AFG1L: variants seen among roughly 807,000 people sequenced by gnomAD.
The protein encoded by AFG1L is AFG1 like ATPase, also known as AFG1-like ATPase.
A neutral mutation model predicts 62.2 loss-of-function variants in AFG1L; 53 were observed. The observed-to-expected ratio is 0.85, with a 90% CI of 0.68 to 1.07. The LOEUF is 1.07. AFG1L is among the 50% of genes least tolerant of loss of function. The pLI is 0.00. For missense variants in AFG1L, 555 were observed against 590.5 expected (o/e 0.94, Z 0.62); for synonymous variants, 228 against 210.3 (o/e 1.08, Z -0.73).
At chr6:108,423,808 T>C (rs1770701386) in intron 7 of AFG1L, among the ~76,000 whole-genome samples, 1 of 152,004 alleles carries the variant, frequency 6.6e-6, no homozygotes, top group Non-Finnish European at 1.5e-5. Context: ...CTACTGATAG[T>C]TTGGTTTTTA....
At chr6:108,428,277 A>C (rs1173880099) in intron 7 of AFG1L, among the ~76,000 whole-genome samples, 1 of 152,166 alleles carries the variant, frequency 6.6e-6, no homozygotes, top group African/African-American at 2.4e-5. Flanking sequence ...AAAAGACATT[A>C]TTTAATTCTT....
At chr6:108,454,135 C>T (rs191923025) in intron 8 of AFG1L, among the ~76,000 whole-genome samples, 1 of 152,298 alleles carries the variant, frequency 6.6e-6, no homozygotes, top group Admixed American at 6.5e-5. Flanking sequence ...TACTCCTCCT[C>T]CAGTTCCTTA....
intron 10 of AFG1L, among the ~76,000 whole-genome samples, chr6:108,491,316 C>T (rs1773772331): frequency 2.6e-5 from 4 of 152,186 alleles, no homozygotes. Context: ...AAAAACAAAC[C>T]AGTTACTCAG....
intron 6 of AFG1L, among the ~76,000 whole-genome samples, chr6:108,384,287 A>T (rs762739247): frequency 2.6e-5 from 4 of 152,134 alleles, no homozygotes; most frequent in Non-Finnish European, 4.4e-5. Context: ...TGAGAAATGG[A>T]TCCCAGAGAG....
chr6:108,426,388 G>T (rs1770817281), intron 7 of AFG1L, among the ~76,000 whole-genome samples: 1 of 152,096 alleles, frequency 6.6e-6, no homozygotes, highest in Admixed American at 6.6e-5. Context: ...TCCTTTCTGT[G>T]GGAGAAAATT....
At chr6:108,396,160 T>G (rs1273385971) in intron 6 of AFG1L, among the ~76,000 whole-genome samples, 1 of 152,056 alleles carries the variant, frequency 6.6e-6, no homozygotes, top group African/African-American at 2.4e-5. Context: ...ATTACAGGCA[T>G]GAGCCACCAT....
chr6:108,329,653 A>C (rs1218289412), intron 2 of AFG1L, among the ~76,000 whole-genome samples: 2 of 152,206 alleles, frequency 1.3e-5, no homozygotes, highest in African/African-American at 2.4e-5. Flanking sequence ...TAATTTGAAA[A>C]AAAGTATATA....
intron 10 of AFG1L, among the ~76,000 whole-genome samples, chr6:108,481,988 G>A (rs1036963092): frequency 7.2e-5 from 11 of 152,320 alleles, no homozygotes; most frequent in African/African-American, 2.6e-4. Context: ...TGTTGCCAGT[G>A]ATAAAATTTG....
chr6:108,522,703 A>G lies in AFG1L; in HGVS notation c.*278A>G, dbSNP rs1775171193. 1.4e-5 allele frequency: 3 copies of G among 209,160 alleles called. No individual in the cohort carries two copies. The South Asian group carries it at 3.2e-4, about 23-fold the overall frequency. The allele number at this position is 209,160 out of a possible 1,614,324, so 13.0% of individuals were successfully genotyped here. On this transcript the variant is annotated 3_prime_UTR_variant, in exon 13 of 13. Transcript: ENST00000368977. ...ATGTAGGACCAGACATTTTAGCTTC[A>G]CATTAAACCACCTGAATGAACCTTG... is the stretch of plus-strand genomic sequence containing the variant.
At chr6:108,427,129 G>A (rs1770849151) in intron 7 of AFG1L, among the ~76,000 whole-genome samples, 1 of 151,982 alleles carries the variant, frequency 6.6e-6, no homozygotes. Flanking sequence ...TGGAGACGGT[G>A]TCTTTCCCTA....
chr6:108,404,424 C>T (rs571609107), intron 7 of AFG1L, among the ~76,000 whole-genome samples: 1 of 152,150 alleles, frequency 6.6e-6, no homozygotes, highest in East Asian at 1.9e-4. Context: ...TGTATATAAG[C>T]TCTTAGTAAA....
At chr6:108,436,521 C>T (rs1771319368) in intron 7 of AFG1L, among the ~76,000 whole-genome samples, 2 of 152,134 alleles carry the variant, frequency 1.3e-5, no homozygotes, top group African/African-American at 4.8e-5. Context: ...AAGTTTGGGC[C>T]TTACTCAGTG....
At chr6:108,429,831 C>A (rs1770992932) in intron 7 of AFG1L, among the ~76,000 whole-genome samples, 1 of 151,994 alleles carries the variant, frequency 6.6e-6, no homozygotes, top group Non-Finnish European at 1.5e-5. Context: ...CTGCCCAAAG[C>A]AATTCCTTTC....
chr6:108,482,702 G>A (rs142083418), intron 10 of AFG1L, among the ~76,000 whole-genome samples: 82 of 152,148 alleles, frequency 5.4e-4, no homozygotes, highest in Non-Finnish European at 9.4e-4. Context: ...TTAGGTATTT[G>A]TAAAATGTCT....
At chr6:108,331,156 A>G (rs1778263764) in intron 2 of AFG1L, among the ~76,000 whole-genome samples, 1 of 152,046 alleles carries the variant, frequency 6.6e-6, no homozygotes, top group Non-Finnish European at 1.5e-5. Context: ...GCATGGTGGT[A>G]CATGCCTGTG....
At chr6:108,300,873 C>T (rs1235479879) in intron 1 of AFG1L, among the ~76,000 whole-genome samples, 1 of 152,048 alleles carries the variant, frequency 6.6e-6, no homozygotes, top group Non-Finnish European at 1.5e-5. Flanking sequence ...GGGGTTTCAC[C>T]ATATTAGCCA....
At position 108,462,886 on chromosome 6, in the gene AFG1L, C is replaced by T. The variant is rs544409873; in HGVS notation, c.891-13979C>T. Among the ~76,000 whole-genome samples, 12 of 152,232 alleles carry T rather than the reference C, an allele frequency of 7.9e-5. No individual in the cohort carries two copies. The East Asian group carries it at 2.1e-3, about 27-fold the overall frequency. ...AATTTTCATTGCATTATTTCATCTCCAAATAGATCACAGTTATAACTGAAG... is the reference window on the plus strand; with the variant it reads ...AATTTTCATTGCATTATTTCATCTCTAAATAGATCACAGTTATAACTGAAG... On this transcript the variant is annotated intron_variant, in intron 8 of 12. Coordinates refer to ENST00000368977, the MANE Select transcript of AFG1L (RefSeq NM_145315.5).
chr6:108,442,719 A>G (rs1005258972), intron 7 of AFG1L, among the ~76,000 whole-genome samples: 11 of 152,142 alleles, frequency 7.2e-5, no homozygotes, highest in Non-Finnish European at 1.0e-4. Context: ...TACCTATACT[A>G]GCCACAACCC....
intron 1 of AFG1L, among the ~76,000 whole-genome samples, chr6:108,314,492 G>A (rs532075798): frequency 2.3e-3 from 346 of 151,422 alleles, no homozygotes; most frequent in Non-Finnish European, 3.2e-3. Context: ...CACCTCCCAG[G>A]TTCAAGCAGT....
Sources: gnomAD v4.1 joint callset for allele counts (sites outside exome capture counted in the v4.1 genomes callset) on GRCh38, gnomAD v4.1.1 for gene constraint, MANE v1.5 for transcripts, NCBI Gene and HGNC (gene_info 2026-07-23, HGNC 2026-07-21) for gene names.